The following CREB3L1 variants were observed in gnomAD, a reference collection of about 807,000 sequenced individuals.
The protein encoded by CREB3L1 is cAMP responsive element binding protein 3 like 1, also known as cyclic AMP-responsive element-binding protein 3-like protein 1.
Under a neutral mutation model 54.5 loss-of-function variants are expected in CREB3L1, and 33 were observed. The ratio of observed to expected loss-of-function variants is 0.61; its 90% confidence interval spans 0.46 to 0.81. CREB3L1 has a LOEUF of 0.81. Ranked by LOEUF, CREB3L1 falls within the 30% of genes least tolerant of loss-of-function variation. The probability of loss-of-function intolerance (pLI) is 0.00; values close to 1 mark genes in which losing one functional copy is unlikely to be tolerated. For missense variants in CREB3L1, 656 were observed against 673.3 expected (o/e 0.97, Z 0.29); for synonymous variants, 284 against 286.4 (o/e 0.99, Z 0.08).
At position 46,312,593 on chromosome 11, in the gene CREB3L1, T is replaced by A; in HGVS notation, c.904-19T>A. On this transcript the variant is annotated intron_variant, in intron 6 of 11. Transcript: ENST00000621158. ...ATATGTGGCAGTGCTAACCCTTGTTTTCGGGCCTCCCCCTCTAGATCTCAG... is the reference window on the plus strand; with the variant it reads ...ATATGTGGCAGTGCTAACCCTTGTTATCGGGCCTCCCCCTCTAGATCTCAG... 6.2e-7 allele frequency: 1 copy of A among 1,610,110 alleles called. No homozygotes were observed. The highest frequency in any genetic ancestry group is 8.5e-7 in the Non-Finnish European group (1 of 1,178,124).
intron 10 of CREB3L1, among the ~76,000 whole-genome samples, chr11:46,318,707 C>T (rs1590353715): frequency 2.0e-5 from 3 of 152,304 alleles, no homozygotes; most frequent in East Asian, 3.9e-4. Context: ...CTGGCTGTCC[C>T]TCATCACTTA....
intron 1 of CREB3L1, among the ~76,000 whole-genome samples, chr11:46,294,372 C>A (rs1939172346): frequency 1.3e-5 from 2 of 152,110 alleles, no homozygotes; most frequent in Non-Finnish European, 2.9e-5. Context: ...ACCATCCAGT[C>A]CCCAAAAGGC....
In CREB3L1 at chr11:46,312,626, G is replaced by A. The variant is rs747102274; in HGVS notation, c.918G>A (p.Glu306=). 50 of 1,611,868 alleles carry A rather than the reference G, an allele frequency of 3.1e-5. No individual in the cohort carries two copies. In the African/African-American group the frequency reaches 6.0e-4, roughly 19 times the overall value. ...TCCCCCTCTAGATCTCAGCCCAGGA[G>A]AGCCGTCGTAAGAAGAAGGAGTATG... is the stretch of plus-strand genomic sequence containing the variant. ...RKIKNKISAQ[E]SRRKKKEYVE... Residue 306 remains glutamate (E), a synonymous_variant, in exon 7 of 12, where the codon GAG becomes GAA. Transcript: ENST00000621158.
chr11:46,305,732 GTATA>G (rs1479749295), intron 2 of CREB3L1, among the ~76,000 whole-genome samples: 2 of 118,470 alleles, frequency 1.7e-5, no homozygotes, highest in South Asian at 2.7e-4. Context: ...GTGTGTGTGT[GTATA>G]TATATATATA....
At chr11:46,284,859 A>C (rs893730933) in intron 1 of CREB3L1, among the ~76,000 whole-genome samples, 1 of 152,118 alleles carries the variant, frequency 6.6e-6, no homozygotes, top group Non-Finnish European at 1.5e-5. Context: ...AAAATTCAGG[A>C]TCTTTCATAT....
intron 1 of CREB3L1, among the ~76,000 whole-genome samples, chr11:46,285,689 C>T (rs1191703382): frequency 1.3e-5 from 2 of 152,160 alleles, no homozygotes; most frequent in Non-Finnish European, 2.9e-5. Flanking sequence ...CCTTCACTGC[C>T]GCTTCCTTGG....
intron 9 of CREB3L1, 28 bp downstream of exon 9, chr11:46,316,413 C>T (rs1939568112): frequency 7.1e-7 from 1 of 1,404,286 alleles, no homozygotes; most frequent in African/African-American, 1.4e-5. Flanking sequence ...CACCACAGAC[C>T]CACAGGAGGA....
intron 1 of CREB3L1, among the ~76,000 whole-genome samples, chr11:46,286,652 G>A (rs1939058436): frequency 6.6e-6 from 1 of 152,050 alleles, no homozygotes; most frequent in Non-Finnish European, 1.5e-5. Flanking sequence ...AGGCGTGGTG[G>A]CGGGAGCCTG....
At chr11:46,310,098 C>G (rs1228528591) in intron 4 of CREB3L1, 31 bp downstream of exon 4, 2 of 1,501,402 alleles carry the variant, frequency 1.3e-6, no homozygotes, top group African/African-American at 1.4e-5. Context: ...GGCTCTTTTC[C>G]CCTCCAGTCA....
chr11:46,296,615 G>T (rs971913925), intron 1 of CREB3L1, among the ~76,000 whole-genome samples: 1 of 152,192 alleles, frequency 6.6e-6, no homozygotes, highest in East Asian at 1.9e-4. Context: ...CGCTCTAGGG[G>T]AGTCCCTGAT....
chr11:46,304,073 C>T (rs1939339868), intron 2 of CREB3L1, among the ~76,000 whole-genome samples: 1 of 152,172 alleles, frequency 6.6e-6, no homozygotes, highest in Non-Finnish European at 1.5e-5. Flanking sequence ...CTTCTTATTC[C>T]TCTTTCCCTC....
chr11:46,313,185 C>A (rs950114257), intron 8 of CREB3L1, among the ~76,000 whole-genome samples: 22 of 152,122 alleles, frequency 1.4e-4, no homozygotes, highest in African/African-American at 5.3e-4. Context: ...AGCAACAATC[C>A]CTGGGAATTA....
chr11:46,302,720 C>T (rs7931565), intron 2 of CREB3L1, among the ~76,000 whole-genome samples: 42,510 of 152,120 alleles, frequency 0.28, 6,100 homozygotes, highest in Middle Eastern at 0.35. Context: ...CAGTGGCTCA[C>T]GCCTGTAATC....
intron 8 of CREB3L1, chr11:46,315,532 C>T (rs1026460947): frequency 1.0e-5 from 2 of 200,638 alleles, no homozygotes; most frequent in East Asian, 7.6e-5. Flanking sequence ...AAAGCAAACA[C>T]AGCAATAAAG....
At position 46,278,763 on chromosome 11, in the gene CREB3L1, G is replaced by T. The variant is rs2136331472; in HGVS notation, c.102+550G>T. On this transcript the variant is annotated intron_variant, in intron 1 of 11. Transcript: ENST00000621158. This position sits in a 1 kb window ranked among gnomAD's most constrained non-coding sequence, Gnocchi z 4.2. ...CCCAGGGAGGGACCTGAGGCTGGGG[G>T]CTGGGAAGAGGCGGTCAGGGCAACA... is the stretch of plus-strand genomic sequence containing the variant. Among the ~76,000 whole-genome samples, 1 of 152,346 alleles carries T rather than the reference G, an allele frequency of 6.6e-6. No homozygotes were observed. The highest frequency in any genetic ancestry group is 1.5e-5 in the Non-Finnish European group (1 of 68,028).
Position 46,310,065 on chromosome 11 carries a change from C to T in CREB3L1, c.593C>T (p.Pro198Leu), listed in dbSNP as rs370163992. The T allele has an allele frequency of 1.7e-5, 27 of 1,587,684 alleles. No homozygotes were observed. In the East Asian group the frequency reaches 1.8e-4, roughly 11 times the overall value. The change falls in exon 4 of 12, where the codon CCG becomes CTG. Residue 198 changes from proline (P) to leucine (L), a missense_variant and splice_region_variant. By Grantham distance (98) the Pro-to-Leu change is moderately conservative. Around this residue, in one of 3 missense-constraint regions of CREB3L1, gnomAD observed 339 missense variants for 331.5 expected, o/e 1.02. Transcript: ENST00000621158. ...LEVNQFLKVT[P>L]EDLVQMPPTP... Reference sequence around the variant, plus strand: ...GTGAACCAGTTCCTCAAAGTGACACCGGGTAGGTGTGTCCAGGGGAAGGGC... The same window carrying T: ...GTGAACCAGTTCCTCAAAGTGACACTGGGTAGGTGTGTCCAGGGGAAGGGC...
At chr11:46,293,611 C>T (rs1021843726) in intron 1 of CREB3L1, among the ~76,000 whole-genome samples, 14 of 152,226 alleles carry the variant, frequency 9.2e-5, no homozygotes, top group Non-Finnish European at 1.8e-4. Context: ...TTCTCCAGCA[C>T]ACACTGGCAA....
intron 2 of CREB3L1, among the ~76,000 whole-genome samples, chr11:46,306,446 G>A (rs1325095047): frequency 1.3e-5 from 2 of 151,818 alleles, no homozygotes; most frequent in Admixed American, 6.6e-5. Flanking sequence ...CAAGACTGCA[G>A]TGACTCATGA....
intron 10 of CREB3L1, 102 bp downstream of exon 10, chr11:46,317,589 G>A: frequency 7.0e-7 from 1 of 1,437,112 alleles, no homozygotes; most frequent in Non-Finnish European, 9.4e-7. Context: ...CCAAGTGTGG[G>A]GTCAGCATTA....
Sources: gnomAD v4.1 joint callset for allele counts (sites outside exome capture counted in the v4.1 genomes callset) on GRCh38, gnomAD v4.1.1 for gene constraint, gnomAD v4.1.1 regional missense constraint, Gnocchi (gnomAD v3.1) non-coding constraint, MANE v1.5 for transcripts, NCBI Gene and HGNC (gene_info 2026-07-23, HGNC 2026-07-21) for gene names.